SMARCC1: variants seen among roughly 807,000 people sequenced by gnomAD.
The protein encoded by SMARCC1 is SWI/SNF complex subunit SMARCC1.
A neutral mutation model predicts 147.4 loss-of-function variants in SMARCC1; 43 were observed. The ratio of observed to expected loss-of-function variants is 0.29; its 90% confidence interval spans 0.23 to 0.38. The LOEUF (loss-of-function observed/expected upper bound fraction) is 0.38. Ranked by LOEUF, SMARCC1 falls within the 10% of genes least tolerant of loss-of-function variation. The probability of loss-of-function intolerance (pLI) is 1.00; values close to 1 mark genes in which losing one functional copy is unlikely to be tolerated. For missense variants in SMARCC1, 1,119 were observed against 1,381.1 expected (o/e 0.81, Z 3.01); for synonymous variants, 495 against 484.4 (o/e 1.02, Z -0.29).
chr3:47,766,106 G>A (rs766465742), intron 2 of SMARCC1, among the ~76,000 whole-genome samples: 5 of 152,158 alleles, frequency 3.3e-5, no homozygotes, highest in Middle Eastern at 3.4e-3. Context: ...AGATCTCCTG[G>A]AGCTGTGTCA....
intron 1 of SMARCC1, among the ~76,000 whole-genome samples, chr3:47,777,819 C>T (rs1187240253): frequency 6.6e-6 from 1 of 151,914 alleles, no homozygotes; most frequent in Non-Finnish European, 1.5e-5. Flanking sequence ...TGAGCCACAG[C>T]CCCCAGTCTC....
intron 14 of SMARCC1, among the ~76,000 whole-genome samples, chr3:47,684,144 GC>G (rs1447680706): frequency 6.6e-6 from 1 of 150,968 alleles, no homozygotes; most frequent in Non-Finnish European, 1.5e-5. Context: ...GGAGGCTGAG[GC>G]AGGAGAATGG....
intron 7 of SMARCC1, among the ~76,000 whole-genome samples, chr3:47,715,297 C>G (rs897819064): frequency 9.9e-5 from 15 of 152,164 alleles, no homozygotes; most frequent in Admixed American, 2.0e-4. Context: ...GCATTCCAAA[C>G]CTAACACTCA....
intron 18 of SMARCC1, 22 bp downstream of exon 18, chr3:47,675,453 C>A: frequency 1.7e-6 from 2 of 1,154,354 alleles, no homozygotes; most frequent in South Asian, 2.4e-5. Context: ...GATTGCAGCC[C>A]ATGTGTGATT....
intron 6 of SMARCC1, among the ~76,000 whole-genome samples, chr3:47,721,060 C>G (rs1175858626): frequency 6.6e-6 from 1 of 152,098 alleles, no homozygotes; most frequent in Non-Finnish European, 1.5e-5. Flanking sequence ...TAATAATCAC[C>G]ATATTATTTA....
intron 19 of SMARCC1, chr3:47,663,872 G>A: frequency 1.3e-6 from 2 of 1,524,180 alleles, no homozygotes; most frequent in Non-Finnish European, 9.1e-7. Context: ...CGCCGCCCAG[G>A]GTTTCACGGT....
At position 47,589,936 on chromosome 3, in the gene SMARCC1, G is replaced by A. The variant is rs1161838828; in HGVS notation, c.3220+725C>T. On this transcript the variant is annotated intron_variant, in intron 27 of 27. Coordinates refer to ENST00000254480, the MANE Select transcript of SMARCC1 (RefSeq NM_003074.4). ...TGAACCTAAGATTACAGATGTGGCTGGGGTACCTGACCTACTACTGGCTGC... is the reference window on the plus strand; with the variant it reads ...TGAACCTAAGATTACAGATGTGGCTAGGGTACCTGACCTACTACTGGCTGC... 5.3e-5 allele frequency among the ~76,000 whole-genome samples: 8 copies of A among 152,328 alleles called. No individual in the cohort carries two copies. In the East Asian group the frequency reaches 1.2e-3, roughly 22 times the overall value.
rs1559654248 is a variant in SMARCC1 at position 47,721,505 on chromosome 3, A to AAG, written c.647-772_647-771dup. 2.6e-5 allele frequency among the ~76,000 whole-genome samples: 4 copies of AAG among 152,294 alleles called. No individual in the cohort carries two copies. The South Asian group carries it at 6.2e-4, about 24-fold the overall frequency. The stretch of plus-strand genomic sequence containing the variant: ...GCTTAGAAAATGGACGCCTAATAGT[A>AAG]AGAGAGAAGTTCTGAAGTAAGCCCC... On this transcript the variant is annotated intron_variant, in intron 6 of 27. Coordinates refer to ENST00000254480, the MANE Select transcript of SMARCC1 (RefSeq NM_003074.4).
At chr3:47,740,178 CT>C (rs34523367) in intron 3 of SMARCC1, among the ~76,000 whole-genome samples, 10,501 of 35,686 alleles carry the variant, frequency 0.29, 1,152 homozygotes, top group Non-Finnish European at 0.38. Flanking sequence ...GCCCGGCCAT[CT>C]TTTTTTTTTT....
chr3:47,764,217 T>C (rs1055339621), intron 2 of SMARCC1, among the ~76,000 whole-genome samples: 2 of 152,034 alleles, frequency 1.3e-5, no homozygotes, highest in African/African-American at 2.4e-5. Context: ...TTAGTTTTTC[T>C]GATAAATAGG....
chr3:47,605,765 C>T (rs76017094), intron 26 of SMARCC1, among the ~76,000 whole-genome samples: 2,159 of 152,066 alleles, frequency 0.014, 45 homozygotes, highest in African/African-American at 0.04. Flanking sequence ...AGAGTAAGGC[C>T]CTGTCTGTCT....
At chr3:47,697,730 G>A (rs1055772739) in intron 11 of SMARCC1, among the ~76,000 whole-genome samples, 5 of 151,636 alleles carry the variant, frequency 3.3e-5, no homozygotes, top group African/African-American at 4.8e-5. Context: ...ATATCTGGAC[G>A]GGCACAGTGG....
chr3:47,702,487 G>A (rs555592180), intron 10 of SMARCC1, among the ~76,000 whole-genome samples: 27 of 152,324 alleles, frequency 1.8e-4, no homozygotes, highest in African/African-American at 6.0e-4. Context: ...TGGGTGTGGT[G>A]GCTCATGCCT....
intron 2 of SMARCC1, chr3:47,746,484 T>C (rs2034564908): frequency 6.6e-6 from 1 of 152,396 alleles, no homozygotes; most frequent in South Asian, 2.1e-4. Context: ...GTGAAACTAC[T>C]TTCTTGTAGC....
chr3:47,635,771 T>C lies in SMARCC1; in HGVS notation c.2491+251A>G, dbSNP rs1026621846. Reference sequence around the variant, plus strand: ...TCAGCAACTGACACAGAAAATGAAATGGGAAGTCTGTGAGGTGACTTCAAT... The same window carrying C: ...TCAGCAACTGACACAGAAAATGAAACGGGAAGTCTGTGAGGTGACTTCAAT... On this transcript the variant is annotated intron_variant, in intron 23 of 27. Transcript: ENST00000254480. 2.0e-5 allele frequency among the ~76,000 whole-genome samples: 3 copies of C among 152,308 alleles called. No homozygotes were observed. The South Asian group carries it at 6.2e-4, about 32-fold the overall frequency.
intron 15 of SMARCC1, among the ~76,000 whole-genome samples, chr3:47,679,534 C>A (rs2033615172): frequency 6.6e-6 from 1 of 152,118 alleles, no homozygotes; most frequent in African/African-American, 2.4e-5. Flanking sequence ...TGAATAGAAA[C>A]AATCCAAAAC....
chr3:47,618,161 A>C (rs1368445265), intron 25 of SMARCC1, among the ~76,000 whole-genome samples: 5 of 152,038 alleles, frequency 3.3e-5, no homozygotes. Flanking sequence ...TCCGGAGAGT[A>C]TTTTCCCAAC....
At chr3:47,727,290 T>G (rs993153176) in intron 6 of SMARCC1, among the ~76,000 whole-genome samples, 3 of 151,988 alleles carry the variant, frequency 2.0e-5, no homozygotes, top group African/African-American at 4.8e-5. Flanking sequence ...AGGTGGATCA[T>G]GAGGTCAGGA....
chr3:47,712,745 ATC>A (rs1207306901), intron 8 of SMARCC1, among the ~76,000 whole-genome samples: 1 of 152,126 alleles, frequency 6.6e-6, no homozygotes, highest in Admixed American at 6.5e-5. Flanking sequence ...ATGCTTTGTT[ATC>A]TCTCTCATAA....
Sources: gnomAD v4.1 joint callset for allele counts (sites outside exome capture counted in the v4.1 genomes callset) on GRCh38, gnomAD v4.1.1 for gene constraint, MANE v1.5 for transcripts, NCBI Gene and HGNC (gene_info 2026-07-23, HGNC 2026-07-21) for gene names.